Variants in ZNF438 observed in about 807,000 individuals in gnomAD.
ZNF438 encodes zinc finger protein 438.
ZNF438 carries 25 observed loss-of-function variants against 38.0 expected under a neutral mutation model. The observed-to-expected ratio is 0.66, with a 90% confidence interval of 0.48 to 0.92. The LOEUF (loss-of-function observed/expected upper bound fraction) is 0.92. ZNF438 is among the 40% of genes least tolerant of loss of function. The pLI, the probability that ZNF438 is intolerant of heterozygous loss-of-function variation, is 0.00. For synonymous variants in ZNF438, 372 were observed against 364.1 expected, an observed-to-expected ratio of 1.02 and a Z score of -0.25; for missense variants, 1,007 against 999.6, an observed-to-expected ratio of 1.01 and a Z score of -0.10.
intron 2 of ZNF438, among the ~76,000 whole-genome samples, chr10:30,931,086 A>G (rs957494764): frequency 3.9e-5 from 6 of 152,188 alleles, no homozygotes; most frequent in Non-Finnish European, 7.4e-5. Flanking sequence ...TTCCCAGGCC[A>G]CAGTGACACA....
intron 3 of ZNF438, among the ~76,000 whole-genome samples, chr10:30,892,631 A>C (rs552132729): frequency 6.6e-6 from 1 of 152,118 alleles, no homozygotes; most frequent in African/African-American, 2.4e-5. Context: ...ATTGAAAAAT[A>C]AGTCTCCTTC....
chr10:30,849,553 G>C, exon 5 of ZNF438: 2 of 1,614,236 alleles, frequency 1.2e-6, no homozygotes, highest in Non-Finnish European at 1.7e-6. Flanking sequence ...GGACTGAAGA[G>C]ATCAACTGAA....
intron 1 of ZNF438, among the ~76,000 whole-genome samples, chr10:30,942,660 AAATC>A (rs766365409): frequency 6.6e-6 from 1 of 152,226 alleles, no homozygotes; most frequent in African/African-American, 2.4e-5. Flanking sequence ...TGAACTTAAG[AAATC>A]AATCAATCCG....
At chr10:30,943,500 T>C (rs2047041518) in intron 1 of ZNF438, among the ~76,000 whole-genome samples, 1 of 152,208 alleles carries the variant, frequency 6.6e-6, no homozygotes, top group African/African-American at 2.4e-5. Context: ...GGGCTTTTAG[T>C]ATTTAAGATA....
At chr10:30,972,157 T>TA (rs2050814260) in intron 1 of ZNF438, among the ~76,000 whole-genome samples, 1 of 151,920 alleles carries the variant, frequency 6.6e-6, no homozygotes. Flanking sequence ...TTTTAGTAGA[T>TA]ACGGGGTTTC....
At chr10:30,900,716 G>GC (rs1381925763) in intron 3 of ZNF438, among the ~76,000 whole-genome samples, 1 of 152,148 alleles carries the variant, frequency 6.6e-6, no homozygotes, top group Non-Finnish European at 1.5e-5. Flanking sequence ...ACTGGGTTCT[G>GC]CCCTCAGTAT....
intron 2 of ZNF438, among the ~76,000 whole-genome samples, chr10:30,931,559 A>T (rs1415599960): frequency 6.6e-6 from 1 of 152,196 alleles, no homozygotes; most frequent in East Asian, 1.9e-4. Flanking sequence ...ATCAGAAATA[A>T]CGTTTGCATG....
chr10:30,950,783 G>A (rs1260079069), intron 1 of ZNF438, among the ~76,000 whole-genome samples: 1 of 118,134 alleles, frequency 8.5e-6, no homozygotes, highest in East Asian at 2.1e-4. Context: ...AAGAGTCCAG[G>A]ACCAGATGGA....
exon 5 of ZNF438, chr10:30,848,748 G>A: frequency 1.2e-6 from 2 of 1,614,056 alleles, no homozygotes; most frequent in Non-Finnish European, 1.7e-6. Flanking sequence ...AGTTTCATGT[G>A]TGTGCTCAGG....
At chr10:30,889,363 C>T (rs1056874686) in intron 3 of ZNF438, among the ~76,000 whole-genome samples, 11 of 152,160 alleles carry the variant, frequency 7.2e-5, no homozygotes, top group Non-Finnish European at 7.3e-5. Flanking sequence ...CCCTAAATGG[C>T]TGCATGCTGC....
chr10:30,935,685 G>A (rs1173406294), intron 2 of ZNF438, among the ~76,000 whole-genome samples: 1 of 152,160 alleles, frequency 6.6e-6, no homozygotes, highest in African/African-American at 2.4e-5. Flanking sequence ...AAAAAAGGTT[G>A]AATTGATTCA....
At chr10:30,849,032 G>C in exon 5 of ZNF438, 1 of 1,614,146 alleles carries the variant, frequency 6.2e-7, no homozygotes, top group Non-Finnish European at 8.5e-7. Context: ...AAGCATCTGG[G>C]ACTGTAGTGT....
intron 1 of ZNF438, among the ~76,000 whole-genome samples, chr10:30,965,952 G>A (rs1328576455): frequency 6.6e-6 from 1 of 152,070 alleles, no homozygotes; most frequent in East Asian, 1.9e-4. Context: ...ATACAAAGAT[G>A]TACGTACTAA....
chr10:30,938,996 G>A (rs1406210207), intron 2 of ZNF438, among the ~76,000 whole-genome samples: 1 of 151,776 alleles, frequency 6.6e-6, no homozygotes, highest in African/African-American at 2.4e-5. Flanking sequence ...GGGTTTCACC[G>A]TGTTAGCCAG....
intron 1 of ZNF438, among the ~76,000 whole-genome samples, chr10:31,000,333 T>C (rs2054520277): frequency 6.6e-6 from 1 of 152,210 alleles, no homozygotes; most frequent in African/African-American, 2.4e-5. Flanking sequence ...AGTGTTGGCA[T>C]CACTTGGGAG....
intron 1 of ZNF438, among the ~76,000 whole-genome samples, chr10:30,960,116 T>C (rs1240027820): frequency 1.4e-5 from 2 of 147,412 alleles, no homozygotes; most frequent in Non-Finnish European, 3.1e-5. Context: ...TTTTGCTCAC[T>C]GTTAAGTTGG....
intron 1 of ZNF438, among the ~76,000 whole-genome samples, chr10:30,947,811 T>C (rs1203312614): frequency 1.3e-5 from 2 of 152,156 alleles, no homozygotes; most frequent in African/African-American, 2.4e-5. Flanking sequence ...GTCACCCCTT[T>C]CTTTGACTCG....
rs2050449205 is a variant in ZNF438, at chr10:30,968,974, G to A, written c.-191-27323C>T. Among the ~76,000 whole-genome samples the A allele has an allele frequency of 1.3e-5, 2 of 152,108 alleles. 1 individual carries two copies. The highest frequency in any genetic ancestry group is 4.1e-4 in the South Asian group (2 of 4,834). ...GCTATTAACTGTAAAAATACACACA[G>A]TCCTCAGATGGTGAGGGCATGGGTT... On this transcript the variant is annotated intron_variant, in intron 1 of 5. Transcript: ENST00000413025.
intron 3 of ZNF438, among the ~76,000 whole-genome samples, chr10:30,880,430 T>TAAAAAAAA (rs60365494): frequency 8.9e-6 from 1 of 111,904 alleles, no homozygotes. Context: ...AAATTCTATC[T>TAAAAAAAA]AAAAAAAAAA....
Sources: allele counts gnomAD v4.1 joint callset (sites outside exome capture counted in the v4.1 genomes callset), GRCh38; gene constraint gnomAD v4.1.1; transcripts MANE v1.5; gene names NCBI Gene and HGNC (gene_info 2026-07-23, HGNC 2026-07-21).